The following UTRN variants were observed in gnomAD, a reference collection of about 807,000 sequenced individuals.
The protein encoded by UTRN is dystrophin-related protein 1.
In UTRN, 283 loss-of-function variants were observed where a neutral mutation model predicts 463.9. The observed-to-expected ratio is 0.61, with a 90% CI of 0.55 to 0.67. The LOEUF (loss-of-function observed/expected upper bound fraction) is 0.67. Among genes scored for constraint, UTRN ranks in the 30% least tolerant of loss-of-function variants. UTRN has a pLI of 0.00. For missense variants in UTRN, 3,922 were observed against 4,084.3 expected (o/e 0.96, Z 1.08); for synonymous variants, 1,442 against 1,431.5 (o/e 1.01, Z -0.17).
intron 6 of UTRN, among the ~76,000 whole-genome samples, chr6:144,425,096 T>C (rs181955367): frequency 2.0e-3 from 301 of 152,328 alleles, no homozygotes; most frequent in African/African-American, 6.7e-3. Flanking sequence ...TCATGTCTCT[T>C]TAGTCCTCTT....
chr6:144,306,244 T>C (rs1805726946), intron 2 of UTRN, among the ~76,000 whole-genome samples: 1 of 152,202 alleles, frequency 6.6e-6, no homozygotes, highest in Admixed American at 6.5e-5. Context: ...TCAGATTTGC[T>C]CTTCTGAGTG....
intron 46 of UTRN, among the ~76,000 whole-genome samples, chr6:144,545,893 G>A (rs1316139554): frequency 6.6e-6 from 1 of 152,110 alleles, no homozygotes; most frequent in African/African-American, 2.4e-5. Context: ...GGTGGCGGGC[G>A]CCTGTAATCC....
chr6:144,680,826 T>G (rs1230855220), intron 52 of UTRN, among the ~76,000 whole-genome samples: 3 of 152,196 alleles, frequency 2.0e-5, no homozygotes, highest in Non-Finnish European at 4.4e-5. Context: ...TAACACTGTG[T>G]TGATATGAAA....
intron 32 of UTRN, among the ~76,000 whole-genome samples, chr6:144,493,072 A>G (rs1793220334): frequency 6.6e-6 from 1 of 152,236 alleles, no homozygotes; most frequent in South Asian, 2.1e-4. Flanking sequence ...ATTTTGAAAG[A>G]ATGAGCATAA....
intron 35 of UTRN, among the ~76,000 whole-genome samples, chr6:144,511,735 GT>G (rs1795191855): frequency 6.6e-6 from 1 of 152,136 alleles, no homozygotes; most frequent in Non-Finnish European, 1.5e-5. Context: ...TTGTATATGT[GT>G]TAGTCTTTGG....
intron 2 of UTRN, among the ~76,000 whole-genome samples, chr6:144,350,814 A>T (rs1170177023): frequency 6.6e-6 from 1 of 152,184 alleles, no homozygotes; most frequent in African/African-American, 2.4e-5. Flanking sequence ...TTGAGTTCTA[A>T]AATGGTTAAC....
intron 31 of UTRN, 96 bp downstream of exon 31, chr6:144,490,295 CT>C: frequency 1.3e-6 from 2 of 1,489,846 alleles, no homozygotes; most frequent in African/African-American, 2.8e-5. Context: ...CGTTTGTATT[CT>C]TTGTGATGTA....
chr6:144,688,804 A>G (rs532741481), intron 52 of UTRN, among the ~76,000 whole-genome samples: 8 of 152,014 alleles, frequency 5.3e-5, no homozygotes, highest in Non-Finnish European at 1.0e-4. Context: ...GCACTTATTT[A>G]TTTTATCCAG....
chr6:144,842,179 T>C (rs764317070), intron 73 of UTRN, among the ~76,000 whole-genome samples: 3 of 150,524 alleles, frequency 2.0e-5, no homozygotes, highest in Non-Finnish European at 2.9e-5. Context: ...ATCAGGAGTG[T>C]AGGTAAATAA....
At chr6:144,349,070 G>T (rs1470293576) in intron 2 of UTRN, among the ~76,000 whole-genome samples, 1 of 152,054 alleles carries the variant, frequency 6.6e-6, no homozygotes. Context: ...AGCGCGTGAT[G>T]GGATCTCGGC....
chr6:144,831,915 TTTTA>T (rs1434420037), intron 69 of UTRN, among the ~76,000 whole-genome samples: 2 of 152,180 alleles, frequency 1.3e-5, no homozygotes, highest in Admixed American at 1.3e-4. Context: ...AAATCATTAT[TTTTA>T]TTTATGTCTT....
At chr6:144,413,791 T>G (rs1476754565) in intron 3 of UTRN, among the ~76,000 whole-genome samples, 1 of 152,108 alleles carries the variant, frequency 6.6e-6, no homozygotes, top group East Asian at 1.9e-4. Flanking sequence ...TTATTATAAA[T>G]TTATCATTAT....
In UTRN at chr6:144,719,160, C is replaced by T. The variant is rs1419415291; in HGVS notation, c.7810-11197C>T. On this transcript the variant is annotated intron_variant, in intron 53 of 74. Transcript: ENST00000367545. ...CTCAGGTGTTTTCCTTCCTTGATCC[C>T]CTTCTAACAATGGCCTCCTGAGGTT... 2.6e-5 allele frequency among the ~76,000 whole-genome samples: 4 copies of T among 152,280 alleles called. No homozygotes were observed. In the South Asian group the frequency reaches 8.3e-4, roughly 32 times the overall value.
chr6:144,486,607 C>T (rs1391373255), intron 28 of UTRN, among the ~76,000 whole-genome samples: 1 of 152,136 alleles, frequency 6.6e-6, no homozygotes, highest in Non-Finnish European at 1.5e-5. Context: ...CTGCAACCTC[C>T]ACCTCCTGAG....
In UTRN at chr6:144,523,138, G is replaced by A. The variant is rs768278380; in HGVS notation, c.5856G>A (p.Gln1952=). ...EAIQIRDTLT[Q]LNAKWDRINR... is the part of the protein sequence containing the mutation. ...TTCAGATCAGAGATACACTTACTCA[G>A]CTGAATGCAAAATGGGACAGAATTA... The change falls in exon 41 of 75, where the codon CAG becomes CAA. Residue 1952 remains glutamine (Q), a synonymous_variant. Transcript: ENST00000367545. The A allele has an allele frequency of 6.2e-7, 1 of 1,612,768 alleles. No homozygotes were observed. The highest frequency in any genetic ancestry group is 8.5e-7 in the Non-Finnish European group (1 of 1,179,388).
intron 50 of UTRN, among the ~76,000 whole-genome samples, chr6:144,561,837 G>A (rs192940540): frequency 3.3e-5 from 5 of 152,260 alleles, no homozygotes; most frequent in African/African-American, 1.2e-4. Flanking sequence ...GTCATCATAT[G>A]CTCTTTCATA....
intron 51 of UTRN, among the ~76,000 whole-genome samples, chr6:144,631,236 A>T (rs1002171421): frequency 0.018 from 1,812 of 103,492 alleles, 35 homozygotes; most frequent in African/African-American, 0.058. Flanking sequence ...TGAGAGAGAG[A>T]GGTGTGTGTG....
At chr6:144,310,634 C>T (rs1208837581) in intron 2 of UTRN, among the ~76,000 whole-genome samples, 2 of 93,354 alleles carry the variant, frequency 2.1e-5, no homozygotes, top group East Asian at 2.8e-4. Flanking sequence ...CTGGGCGTGG[C>T]GGGGGGTGGG....
intron 51 of UTRN, among the ~76,000 whole-genome samples, chr6:144,659,503 T>C (rs1354807787): frequency 6.6e-6 from 1 of 152,196 alleles, no homozygotes; most frequent in Non-Finnish European, 1.5e-5. Flanking sequence ...TTTAGTTCTG[T>C]TGCATTGACA....
Sources: allele counts gnomAD v4.1 joint callset (sites outside exome capture counted in the v4.1 genomes callset), GRCh38; gene constraint gnomAD v4.1.1; transcripts MANE v1.5; gene names NCBI Gene and HGNC (gene_info 2026-07-23, HGNC 2026-07-21).